USP33: variants seen among roughly 807,000 people sequenced by gnomAD.
The protein encoded by USP33 is ubiquitin carboxyl-terminal hydrolase 33.
USP33 carries 46 observed loss-of-function variants against 124.2 expected under a neutral mutation model. That is an observed-to-expected ratio of 0.37 (90% confidence interval 0.29 to 0.47). The LOEUF (loss-of-function observed/expected upper bound fraction) is 0.47. Among genes scored for constraint, USP33 ranks in the 20% least tolerant of loss-of-function variants. USP33 has a pLI of 0.99. For synonymous variants in USP33, 350 were observed against 352.3 expected (o/e 0.99, Z 0.07); for missense variants, 851 against 1,070.6 (o/e 0.79, Z 2.86).
intron 18 of USP33, among the ~76,000 whole-genome samples, chr1:77,715,209 C>A (rs1225715352): frequency 6.6e-6 from 1 of 151,984 alleles, no homozygotes; most frequent in East Asian, 1.9e-4. Flanking sequence ...CCTAATCTTT[C>A]TTTTTCTTTT....
intron 21 of USP33, among the ~76,000 whole-genome samples, chr1:77,707,138 A>T (rs773661543): frequency 2.0e-5 from 3 of 152,226 alleles, no homozygotes; most frequent in Non-Finnish European, 4.4e-5. Context: ...AAACCAGATT[A>T]TACCCACTGT....
chr1:77,708,619 T>C (rs568255027), intron 21 of USP33, among the ~76,000 whole-genome samples: 80 of 152,340 alleles, frequency 5.3e-4, no homozygotes, highest in African/African-American at 1.8e-3. Flanking sequence ...CTGAAACTTA[T>C]AGGAAAACTC....
At position 77,725,712 on chromosome 1, in the gene USP33, G is replaced by T; in HGVS notation, c.1186C>A (p.Pro396Thr). ...CGTGGATTAACACCTTCATTTGATG[G>T]AAGGATCTGTGGTGTAGACAGGTCA... ...SNDLSTPQIL[P>T]SNEGVNPRLS... Residue 396 changes from proline (P) to threonine (T), a missense_variant, in exon 11 of 24, where the codon CCA (proline) becomes ACA (threonine). Around this residue, in one of 4 missense-constraint regions of USP33, gnomAD observed 207 missense variants for 200.9 expected, o/e 1.03. Coordinates refer to ENST00000370794, the MANE Select transcript of USP33 (RefSeq NM_201624.3). 2 of 1,614,112 alleles carry T rather than the reference G, an allele frequency of 1.2e-6. No homozygotes were observed. The highest frequency in any genetic ancestry group is 1.7e-6 in the Non-Finnish European group (2 of 1,180,010).
chr1:77,739,554 A>G (rs997959769), intron 4 of USP33, 137 bp from the exon 5 acceptor site: 6 of 809,080 alleles, frequency 7.4e-6, no homozygotes, highest in Non-Finnish European at 1.1e-5. Context: ...TTAGAACATG[A>G]AAAAAATTCT....
At chr1:77,725,534 A>ATGT (rs1677063278) in intron 11 of USP33, 88 bp downstream of exon 11, 1 of 1,470,450 alleles carries the variant, frequency 6.8e-7, no homozygotes, top group Non-Finnish European at 9.2e-7. Flanking sequence ...CATATTTCAT[A>ATGT]ATTAACACTT....
chr1:77,736,430 T>A (rs941710505), intron 5 of USP33, among the ~76,000 whole-genome samples: 1 of 152,184 alleles, frequency 6.6e-6, no homozygotes, highest in Admixed American at 6.5e-5. Flanking sequence ...GAATTAAAAC[T>A]CCACAATAAC....
At chr1:77,718,847 T>C (rs534867861) in intron 15 of USP33, 142 of 466,418 alleles carry the variant, frequency 3.0e-4, no homozygotes, top group Middle Eastern at 1.2e-3. Context: ...GAGAATCACT[T>C]GAACCCGGGA....
intron 21 of USP33, among the ~76,000 whole-genome samples, chr1:77,702,141 C>CAAAAAAAAAAAAAAAAAAAAAAAAAA (rs58750531): frequency 1.0e-3 from 16 of 15,784 alleles, no homozygotes; most frequent in African/African-American, 2.1e-3. Context: ...GACCCTGTCT[C>CAAAAAAAAAAAAAAAAAAAAAAAAAA]AAAAAAAAAA....
chr1:77,705,203 T>A (rs1244368919), intron 21 of USP33, among the ~76,000 whole-genome samples: 3 of 150,330 alleles, frequency 2.0e-5, no homozygotes, highest in Non-Finnish European at 3.0e-5. Context: ...TATTTTTTAT[T>A]TTTTTTTTTG....
intron 21 of USP33, among the ~76,000 whole-genome samples, chr1:77,704,815 T>G (rs1188873053): frequency 6.6e-6 from 1 of 152,242 alleles, no homozygotes; most frequent in East Asian, 1.9e-4. Flanking sequence ...ACAATATCCT[T>G]ATGTATCTCC....
At chr1:77,729,757 C>T (rs1166311973) in intron 9 of USP33, 103 bp downstream of exon 9, 2 of 1,010,012 alleles carry the variant, frequency 2.0e-6, no homozygotes, top group Non-Finnish European at 3.1e-6. Context: ...AAGAAAGACA[C>T]AAGGAGTGAT....
In USP33 at chr1:77,697,032, A is replaced by C. The variant is rs963856603; in HGVS notation, c.*285T>G. ...AGGAGGTGGAGGCTGCAGTGAGCTG[A>C]GGTAACACCACAGCACTCCAGCCTG... On this transcript the variant is annotated 3_prime_UTR_variant, in exon 24 of 24. Transcript: ENST00000370794. 5.1e-6 allele frequency: 1 copy of C among 195,386 alleles called. No homozygotes were observed. The highest frequency in any genetic ancestry group is 1.0e-5 in the Non-Finnish European group (1 of 97,154). The allele number at this position is 195,386 out of a possible 1,614,324, so 12.1% of individuals were successfully genotyped here.
intron 11 of USP33, 139 bp from the exon 12 acceptor site, chr1:77,723,582 T>G: frequency 1.7e-6 from 1 of 603,624 alleles, no homozygotes; most frequent in Non-Finnish European, 2.9e-6. Context: ...GTTGAAAATT[T>G]TCAAAATACT....
At chr1:77,752,407 G>A (rs532206001) in intron 1 of USP33, among the ~76,000 whole-genome samples, 1 of 152,238 alleles carries the variant, frequency 6.6e-6, no homozygotes, top group East Asian at 1.9e-4. Context: ...CCAAAGTGCT[G>A]GGATTACAGG....
At chr1:77,716,334 A>G (rs1188886049) in intron 17 of USP33, among the ~76,000 whole-genome samples, 1 of 152,192 alleles carries the variant, frequency 6.6e-6, no homozygotes, top group African/African-American at 2.4e-5. Flanking sequence ...TGCTGGGATT[A>G]CAGGCATGAG....
chr1:77,725,630 T>C lies in USP33; in HGVS notation c.1268A>G (p.His423Arg), dbSNP rs1677074839. The C allele has an allele frequency of 6.2e-7, 1 of 1,613,932 alleles. No homozygotes were observed. The highest frequency in any genetic ancestry group is 1.7e-5 in the Admixed American group (1 of 59,976). Reference sequence around the variant, plus strand: ...TAAGAGAAACGTTTTACCTTTTTTGTGTGGTGGTGCCAATCCTGGCCACAA... The same window carrying C: ...TAAGAGAAACGTTTTACCTTTTTTGCGTGGTGGTGCCAATCCTGGCCACAA... ...GNLWPGLAPP[H>R]KKAQSASPKR... is the part of the protein sequence containing the mutation. Residue 423 changes from histidine (H) to arginine (R), a missense_variant, in exon 11 of 24, where the codon CAC becomes CGC. This residue lies in a region of USP33 where 207 missense variants were observed against 200.9 expected (regional missense o/e 1.03). Coordinates refer to ENST00000370794, the MANE Select transcript of USP33 (RefSeq NM_201624.3).
chr1:77,748,788 C>CT (rs1210504651), intron 1 of USP33, among the ~76,000 whole-genome samples: 5 of 125,592 alleles, frequency 4.0e-5, no homozygotes, highest in Non-Finnish European at 6.9e-5. Context: ...CTCCCCCCCC[C>CT]CCCCGTGCTT....
intron 22 of USP33, among the ~76,000 whole-genome samples, chr1:77,698,425 T>C (rs1471478092): frequency 6.6e-6 from 1 of 151,664 alleles, no homozygotes; most frequent in Non-Finnish European, 1.5e-5. Context: ...TAGTTCTTAG[T>C]TCCCCCAAAA....
chr1:77,729,046 C>A (rs1677488406), intron 9 of USP33, among the ~76,000 whole-genome samples: 1 of 152,042 alleles, frequency 6.6e-6, no homozygotes. Context: ...ACCAGATGCA[C>A]GTGCCACCAC....
Sources: allele counts gnomAD v4.1 joint callset (sites outside exome capture counted in the v4.1 genomes callset), GRCh38; gene constraint gnomAD v4.1.1; regional missense constraint gnomAD v4.1.1; transcripts MANE v1.5; gene names NCBI Gene and HGNC (gene_info 2026-07-23, HGNC 2026-07-21).